Variants in RFTN2 observed in about 807,000 individuals in gnomAD.
The protein encoded by RFTN2 is raftlin-2.
In RFTN2, 34 loss-of-function variants were observed where a neutral mutation model predicts 52.7. That is an observed-to-expected ratio of 0.64 (90% CI 0.49 to 0.86). The LOEUF (loss-of-function observed/expected upper bound fraction) is 0.86. RFTN2 is among the 40% of genes least tolerant of loss of function. The pLI, the probability that RFTN2 is intolerant of heterozygous loss-of-function variation, is 0.00. For missense variants in RFTN2, 536 were observed against 600.1 expected (o/e 0.89, Z 1.12); for synonymous variants, 203 against 217.7 (o/e 0.93, Z 0.59).
intron 8 of RFTN2, among the ~76,000 whole-genome samples, chr2:197,594,996 A>T (rs188469459): frequency 1.3e-5 from 2 of 152,260 alleles, no homozygotes; most frequent in Non-Finnish European, 1.5e-5. Flanking sequence ...AGATACAGAA[A>T]AAGAATCACT....
intron 7 of RFTN2, among the ~76,000 whole-genome samples, chr2:197,610,729 G>T (rs1028928250): frequency 1.7e-4 from 26 of 152,178 alleles, no homozygotes. Flanking sequence ...TGCCCATTCA[G>T]TATGATATTG....
intron 7 of RFTN2, among the ~76,000 whole-genome samples, chr2:197,599,533 C>T (rs576889288): frequency 1.3e-5 from 2 of 152,144 alleles, no homozygotes; most frequent in African/African-American, 4.8e-5. Context: ...GGTGGCTTAT[C>T]AAAGGCTCGG....
intron 1 of RFTN2, among the ~76,000 whole-genome samples, chr2:197,661,584 C>T (rs748120558): frequency 1.5e-4 from 23 of 151,998 alleles, no homozygotes; most frequent in South Asian, 8.3e-4. Context: ...TTGTGAATAG[C>T]GCTATGATAA....
At chr2:197,595,418 C>A (rs1039329382) in intron 8 of RFTN2, among the ~76,000 whole-genome samples, 1 of 152,122 alleles carries the variant, frequency 6.6e-6, no homozygotes, top group Non-Finnish European at 1.5e-5. Context: ...GTAGCAAAAA[C>A]CCAAAGAGGC....
intron 1 of RFTN2, among the ~76,000 whole-genome samples, chr2:197,646,957 A>G (rs1170008756): frequency 6.6e-6 from 1 of 151,976 alleles, no homozygotes. Flanking sequence ...TTACATTAAC[A>G]TGTATTTATA....
intron 7 of RFTN2, among the ~76,000 whole-genome samples, chr2:197,606,923 G>C (rs1313078641): frequency 6.6e-6 from 1 of 152,202 alleles, no homozygotes; most frequent in Non-Finnish European, 1.5e-5. Flanking sequence ...TCAGTGTGGC[G>C]ATTCCTCAGG....
chr2:197,586,547 A>G (rs545587870), intron 8 of RFTN2, among the ~76,000 whole-genome samples: 1 of 152,310 alleles, frequency 6.6e-6, no homozygotes, highest in African/African-American at 2.4e-5. Context: ...CCAAAATTCA[A>G]TTTGCAAATG....
At chr2:197,595,921 T>C (rs2087788365) in intron 8 of RFTN2, 70 bp downstream of exon 8, 1 of 1,070,348 alleles carries the variant, frequency 9.3e-7, no homozygotes, top group Non-Finnish European at 1.4e-6. Flanking sequence ...TTATTTGGAA[T>C]TACAATGAGA....
At chr2:197,625,119 G>T (rs184822383) in intron 5 of RFTN2, among the ~76,000 whole-genome samples, 1 of 152,166 alleles carries the variant, frequency 6.6e-6, no homozygotes, top group East Asian at 1.9e-4. Context: ...CAAAGTACTG[G>T]GACTACAGGC....
chr2:197,657,314 G>A (rs2088908064), intron 1 of RFTN2, among the ~76,000 whole-genome samples: 1 of 152,226 alleles, frequency 6.6e-6, no homozygotes, highest in Non-Finnish European at 1.5e-5. Context: ...AGTCTCATTA[G>A]TTTGTAACTT....
At chr2:197,582,639 A>G (rs1368948950) in intron 8 of RFTN2, among the ~76,000 whole-genome samples, 2 of 152,192 alleles carry the variant, frequency 1.3e-5, no homozygotes, top group Non-Finnish European at 2.9e-5. Flanking sequence ...CAATGCATCA[A>G]TATTTACACT....
Position 197,615,892 on chromosome 2 carries a change from C to A in RFTN2, c.1138G>T (p.Val380Leu). ...TTGCCTTACCTGTCATGTCTCAATA[C>A]AGGTGTGGGCAACACGCTTGTCAGA... is the stretch of plus-strand genomic sequence containing the variant. The part of the protein sequence containing the change: ...WLLTSVLPTP[V>L]LRHDSEGNLA... The change falls in exon 7 of 9, where the codon GTA (valine) becomes TTA (leucine). Residue 380 changes from valine to leucine, a missense_variant. Val to Leu is a conservative substitution (Grantham distance 32). Coordinates refer to ENST00000295049, the MANE Select transcript of RFTN2 (RefSeq NM_144629.3). 1 of 1,548,902 alleles carries A rather than the reference C, an allele frequency of 6.5e-7. No homozygotes were observed. Among genetic ancestry groups the A allele is most frequent in the East Asian group, 2.4e-5 (1 of 41,502 alleles).
intron 8 of RFTN2, among the ~76,000 whole-genome samples, chr2:197,581,153 C>G (rs949478129): frequency 2.6e-5 from 4 of 152,190 alleles, no homozygotes; most frequent in Admixed American, 1.3e-4. Context: ...TATTGCTCAC[C>G]TGCTACAGCA....
At chr2:197,605,505 G>A (rs532037207) in intron 7 of RFTN2, among the ~76,000 whole-genome samples, 14 of 152,096 alleles carry the variant, frequency 9.2e-5, no homozygotes, top group Non-Finnish European at 1.9e-4. Context: ...GTGAGCCACC[G>A]CGCCTGGCCG....
At chr2:197,622,322 T>A (rs2088279189) in intron 5 of RFTN2, among the ~76,000 whole-genome samples, 1 of 152,222 alleles carries the variant, frequency 6.6e-6, no homozygotes, top group African/African-American at 2.4e-5. Flanking sequence ...TTATTTATTT[T>A]GAGACAAGGT....
intron 8 of RFTN2, among the ~76,000 whole-genome samples, chr2:197,585,478 G>A (rs2087581798): frequency 6.6e-6 from 1 of 152,044 alleles, no homozygotes; most frequent in African/African-American, 2.4e-5. Flanking sequence ...TGCTGACAGG[G>A]CACACTCCAA....
intron 8 of RFTN2, among the ~76,000 whole-genome samples, chr2:197,592,900 G>C (rs1053656739): frequency 6.6e-6 from 1 of 152,162 alleles, no homozygotes; most frequent in African/African-American, 2.4e-5. Flanking sequence ...TTCTGAGATA[G>C]AGTAAGAAAT....
intron 3 of RFTN2, among the ~76,000 whole-genome samples, chr2:197,634,336 A>G (rs1294000682): frequency 2.0e-5 from 3 of 152,220 alleles, no homozygotes; most frequent in Non-Finnish European, 4.4e-5. Context: ...CAGTTGGAGC[A>G]AAATTAAAAC....
intron 5 of RFTN2, among the ~76,000 whole-genome samples, chr2:197,619,835 A>C (rs769760102): frequency 1.3e-4 from 19 of 150,618 alleles, no homozygotes; most frequent in Non-Finnish European, 2.7e-4. Context: ...CTCCTCTTGG[A>C]AAGTTTTTCT....
Sources: allele counts gnomAD v4.1 joint callset (sites outside exome capture counted in the v4.1 genomes callset), GRCh38; gene constraint gnomAD v4.1.1; transcripts MANE v1.5; gene names NCBI Gene and HGNC (gene_info 2026-07-23, HGNC 2026-07-21).